Variants in ARHGAP39 observed in about 807,000 individuals in gnomAD.
ARHGAP39 encodes Rho GTPase activating protein 39.
In ARHGAP39, 44 loss-of-function variants were observed where a neutral mutation model predicts 106.9. The observed-to-expected ratio is 0.41, with a 90% CI of 0.32 to 0.53. The LOEUF is 0.53. Ranked by LOEUF, ARHGAP39 falls within the 20% of genes least tolerant of loss-of-function variation. The probability of loss-of-function intolerance (pLI) is 0.21; values close to 1 mark genes in which losing one functional copy is unlikely to be tolerated. For synonymous variants in ARHGAP39, 768 were observed against 693.2 expected (o/e 1.11, Z -1.69); for missense variants, 1,496 against 1,577.3 (o/e 0.95, Z 0.87).
At chr8:144,562,414 G>C (rs1475710570) in intron 3 of ARHGAP39, among the ~76,000 whole-genome samples, 2 of 149,752 alleles carry the variant, frequency 1.3e-5, no homozygotes, top group Non-Finnish European at 3.0e-5. Flanking sequence ...GCGCTCCAGT[G>C]GTTTCCATCG....
intron 1 of ARHGAP39, among the ~76,000 whole-genome samples, chr8:144,667,179 C>T (rs977967358): frequency 6.6e-6 from 1 of 152,194 alleles, no homozygotes; most frequent in Non-Finnish European, 1.5e-5. Context: ...CCAAGCCCAC[C>T]CGCACCCCCA....
chr8:144,602,786 G>A (rs1390492308), intron 2 of ARHGAP39, among the ~76,000 whole-genome samples: 10 of 137,068 alleles, frequency 7.3e-5, no homozygotes, highest in Non-Finnish European at 1.4e-4. Flanking sequence ...GTGCATGGAG[G>A]CGTGTGTGTG....
At chr8:144,596,991 T>TG (rs1395062214) in intron 2 of ARHGAP39, among the ~76,000 whole-genome samples, 1 of 152,178 alleles carries the variant, frequency 6.6e-6, no homozygotes. Flanking sequence ...CGCCATGAGA[T>TG]GGAGTCCCAA....
rs557327443 is a variant in ARHGAP39 at position 144,602,914 on chromosome 8, T to C, written c.80+2621A>G. On this transcript the variant is annotated intron_variant, in intron 2 of 11. Transcript: ENST00000377307. ...GAGAGCTCATGTACCTGTGTGTGTG[T>C]GCGTGGAGGCGTGTGTGTGCTCGTG... is the stretch of plus-strand genomic sequence containing the variant. Among the ~76,000 whole-genome samples the C allele has an allele frequency of 3.0e-3, 381 of 128,992 alleles. 5 individuals carry two copies. Among genetic ancestry groups the C allele is most frequent in the African/African-American group, 9.5e-3 (294 of 30,926 alleles). 84.6% of individuals were successfully genotyped at this position (128,992 alleles called of 152,430 possible). A position where few individuals can be genotyped will look rare whatever the true frequency, so the allele number is the denominator to read the frequency against.
chr8:144,656,380 G>C (rs924363246), intron 1 of ARHGAP39, among the ~76,000 whole-genome samples: 1 of 152,054 alleles, frequency 6.6e-6, no homozygotes, highest in Non-Finnish European at 1.5e-5. Context: ...AAATGTATGT[G>C]ATTAAGAGGG....
chr8:144,649,382 A>G (rs1009138763), intron 1 of ARHGAP39, among the ~76,000 whole-genome samples: 1 of 152,052 alleles, frequency 6.6e-6, no homozygotes, highest in Non-Finnish European at 1.5e-5. Context: ...CCCAGGAGGC[A>G]GAACTTGCAG....
rs774553358 is a variant in ARHGAP39 at position 144,530,750 on chromosome 8, C to T, written c.3102G>A (p.Leu1034=). Residue 1034 remains leucine (L), a synonymous_variant, in exon 11 of 12, where the codon CTG becomes CTA. Coordinates refer to ENST00000377307, the MANE Select transcript of ARHGAP39 (RefSeq NM_025251.3). ...PEAAVAVVHA[L]PRINRMVLCY... is the part of the protein sequence containing the mutation. ...ACAGCACCATGCGGTTGATGCGGGG[C>T]AGCGCGTGCACCACGGCCACCGCCG... The T allele has an allele frequency of 1.1e-5, 18 of 1,610,010 alleles. No homozygotes were observed. The highest frequency in any genetic ancestry group is 1.5e-5 in the Non-Finnish European group (18 of 1,178,820).
intron 4 of ARHGAP39, among the ~76,000 whole-genome samples, chr8:144,554,744 ACAGCCACACTGCTGGGACCAGGG>A (rs1817851081): frequency 6.6e-6 from 1 of 152,204 alleles, no homozygotes; most frequent in Non-Finnish European, 1.5e-5. Context: ...CCTCTATCAA[ACAGCCACACTGCTGGGACCAGGG>A]CAGGCTCTAA....
intron 2 of ARHGAP39, among the ~76,000 whole-genome samples, chr8:144,603,002 G>GGT (rs1016279757): frequency 1.5e-5 from 2 of 130,716 alleles, no homozygotes; most frequent in Non-Finnish European, 3.1e-5. Context: ...TGTGCGTGGA[G>GGT]GTGTGTGTGC....
intron 4 of ARHGAP39, among the ~76,000 whole-genome samples, chr8:144,555,036 G>A (rs1346569442): frequency 1.3e-5 from 2 of 152,174 alleles, no homozygotes; most frequent in South Asian, 2.1e-4. Flanking sequence ...AAATCCAGGT[G>A]CCTGCCTCTG....
At chr8:144,639,044 G>A (rs1031941836) in intron 1 of ARHGAP39, among the ~76,000 whole-genome samples, 7 of 152,140 alleles carry the variant, frequency 4.6e-5, no homozygotes, top group African/African-American at 7.2e-5. Flanking sequence ...CCTTCGGCAC[G>A]GGCCAGGAGC....
intron 1 of ARHGAP39, among the ~76,000 whole-genome samples, chr8:144,613,608 G>A (rs574548884): frequency 1.3e-5 from 2 of 151,448 alleles, no homozygotes; most frequent in South Asian, 2.1e-4. Context: ...TACACAAAAG[G>A]CCTTGCTTTT....
rs576440572 is a variant in ARHGAP39 at position 144,663,324 on chromosome 8, G to C, written c.-82+22362C>G. 2.0e-5 allele frequency among the ~76,000 whole-genome samples: 3 copies of C among 152,274 alleles called. No homozygotes were observed. The East Asian group carries it at 5.8e-4, about 29-fold the overall frequency. ...CACAGCACCAGCGTCTGCTTCTGGT[G>C]AGGCCTCAGGAACCTTCCATTCCTG... is the stretch of plus-strand genomic sequence containing the variant. On this transcript the variant is annotated intron_variant, in intron 1 of 11. Transcript: ENST00000377307.
chr8:144,697,477 G>A, the ARHGAP39 span, among the ~76,000 whole-genome samples: 59 of 151,898 alleles, frequency 3.9e-4, 1 homozygote, highest in Middle Eastern at 3.4e-3. Flanking sequence ...TGTATTCAAT[G>A]TTATTATTTA....
intron 1 of ARHGAP39, among the ~76,000 whole-genome samples, chr8:144,616,778 G>C (rs182301668): frequency 1.3e-5 from 2 of 152,366 alleles, no homozygotes; most frequent in African/African-American, 4.8e-5. Context: ...CTGTGGTGCA[G>C]GGTATTTTTC....
rs1819146011 is a variant in ARHGAP39 at position 144,585,442 on chromosome 8, C to T, written c.81-4165G>A. 2.0e-5 allele frequency among the ~76,000 whole-genome samples: 3 copies of T among 151,576 alleles called. No individual in the cohort carries two copies. The highest frequency in any genetic ancestry group is 6.6e-5 in the Admixed American group (1 of 15,240). On this transcript the variant is annotated intron_variant, in intron 2 of 11. Coordinates refer to ENST00000377307, the MANE Select transcript of ARHGAP39 (RefSeq NM_025251.3). The surrounding 1 kb of genome is among the most constrained non-coding windows in gnomAD (Gnocchi z 4.6). Reference sequence around the variant, plus strand: ...CCAGGGGTACCCAGCACCGGCTCACCGAGAACCTGGAGGGGCCAGCCAAGG... The same window carrying T: ...CCAGGGGTACCCAGCACCGGCTCACTGAGAACCTGGAGGGGCCAGCCAAGG...
Position 144,646,859 on chromosome 8 carries a change from G to C in ARHGAP39, c.-82+38827C>G, listed in dbSNP as rs909015195. Among the ~76,000 whole-genome samples the C allele has an allele frequency of 6.6e-6, 1 of 152,096 alleles. No homozygotes were observed. The highest frequency in any genetic ancestry group is 1.5e-5 in the Non-Finnish European group (1 of 68,034). ...ACACTTGCTGCAGACGAGGGTCCGGGACCAGACACGCCCAGAGGGCCCCAG... is the reference window on the plus strand; with the variant it reads ...ACACTTGCTGCAGACGAGGGTCCGGCACCAGACACGCCCAGAGGGCCCCAG... On this transcript the variant is annotated intron_variant, in intron 1 of 11. Transcript: ENST00000377307. This position sits in a 1 kb window ranked among gnomAD's most constrained non-coding sequence, Gnocchi z 5.7.
intron 7 of ARHGAP39, among the ~76,000 whole-genome samples, chr8:144,536,676 C>A (rs1457604953): frequency 6.6e-6 from 1 of 152,170 alleles, no homozygotes; most frequent in African/African-American, 2.4e-5. Context: ...GGGCCAGGGA[C>A]CCCTGGCACA....
chr8:144,545,846 G>A (rs767098652), intron 5 of ARHGAP39, 36 bp from the exon 6 acceptor site: 2 of 1,450,908 alleles, frequency 1.4e-6, no homozygotes, highest in Non-Finnish European at 9.1e-7. Flanking sequence ...TGTTGGGGGT[G>A]GGGGAGGGCC....
Sources: allele counts gnomAD v4.1 joint callset (sites outside exome capture counted in the v4.1 genomes callset), GRCh38; gene constraint gnomAD v4.1.1; non-coding constraint Gnocchi (gnomAD v3.1); transcripts MANE v1.5; gene names NCBI Gene and HGNC (gene_info 2026-07-23, HGNC 2026-07-21).